SLC35F4: variants seen among roughly 807,000 people sequenced by gnomAD.
SLC35F4 encodes the protein chromosome 14 open reading frame 36.
A neutral mutation model predicts 44.2 loss-of-function variants in SLC35F4; 24 were observed. The ratio of observed to expected loss-of-function variants is 0.54; its 90% CI spans 0.39 to 0.76. The LOEUF (loss-of-function observed/expected upper bound fraction) is 0.76. Among genes scored for constraint, SLC35F4 ranks in the 30% least tolerant of loss-of-function variants. SLC35F4 has a pLI of 0.00. For synonymous variants in SLC35F4, 238 were observed against 223.6 expected, an observed-to-expected ratio of 1.06 and a Z score of -0.57; for missense variants, 562 against 586.1, an observed-to-expected ratio of 0.96 and a Z score of 0.42.
intron 1 of SLC35F4, among the ~76,000 whole-genome samples, chr14:57,858,973 A>T (rs1291296353): frequency 6.6e-6 from 1 of 151,180 alleles, no homozygotes; most frequent in African/African-American, 2.4e-5. Flanking sequence ...GCTGAGTGTG[A>T]TGATACGCAC....
chr14:57,584,486 GA>G (rs1043077010), intron 3 of SLC35F4, among the ~76,000 whole-genome samples: 2 of 151,940 alleles, frequency 1.3e-5, no homozygotes, highest in African/African-American at 4.8e-5. Flanking sequence ...AGTCTACAGG[GA>G]AAAAAAGATC....
intron 1 of SLC35F4, among the ~76,000 whole-genome samples, chr14:57,746,212 AC>A (rs1938498820): frequency 2.0e-5 from 3 of 152,190 alleles, no homozygotes; most frequent in African/African-American, 7.2e-5. Flanking sequence ...GTGCACAGGT[AC>A]CCCAGAGCTT....
intron 1 of SLC35F4, among the ~76,000 whole-genome samples, chr14:57,798,757 T>C (rs1276889684): frequency 6.6e-6 from 1 of 152,214 alleles, no homozygotes; most frequent in African/African-American, 2.4e-5. Context: ...TTTTTATGCT[T>C]CTCTATTGGA....
At chr14:57,689,914 A>AT (rs914272923) in intron 1 of SLC35F4, among the ~76,000 whole-genome samples, 2 of 152,174 alleles carry the variant, frequency 1.3e-5, no homozygotes, top group East Asian at 3.8e-4. Flanking sequence ...AAAAATAAAG[A>AT]TACAGCTCAA....
At chr14:57,642,235 T>C (rs1389671428) in intron 1 of SLC35F4, among the ~76,000 whole-genome samples, 4 of 152,084 alleles carry the variant, frequency 2.6e-5, no homozygotes, top group East Asian at 3.9e-4. Flanking sequence ...TCACCATTTC[T>C]TTCTACGTTT....
intron 1 of SLC35F4, among the ~76,000 whole-genome samples, chr14:57,616,852 C>G (rs1247760401): frequency 6.6e-6 from 1 of 152,042 alleles, no homozygotes; most frequent in Non-Finnish European, 1.5e-5. Flanking sequence ...TGTGGGTCAG[C>G]CTCCTCCACT....
rs118001951 is a variant in SLC35F4, at chr14:57,781,007, G to A, written c.103+84716C>T. On this transcript the variant is annotated intron_variant, in intron 1 of 7. Coordinates refer to ENST00000556826, the MANE Select transcript of SLC35F4 (RefSeq NM_001306087.2). ...AATATTATTCCGGACATAGGAATTGGCAAAGATTTCATGAGGAAGACACCA... is the reference window on the plus strand; with the variant it reads ...AATATTATTCCGGACATAGGAATTGACAAAGATTTCATGAGGAAGACACCA... Among the ~76,000 whole-genome samples, 185 of 152,224 alleles carry A rather than the reference G, an allele frequency of 1.2e-3. No individual in the cohort carries two copies. The Middle Eastern group carries it at 0.024, about 20-fold the overall frequency.
intron 1 of SLC35F4, among the ~76,000 whole-genome samples, chr14:57,908,059 C>A (rs1299478751): frequency 6.6e-6 from 1 of 152,016 alleles, no homozygotes; most frequent in African/African-American, 2.4e-5. Flanking sequence ...TTTCTGTTCC[C>A]ATGTTAGTTT....
chr14:57,614,418 T>C (rs937860111), intron 1 of SLC35F4, among the ~76,000 whole-genome samples: 2 of 152,280 alleles, frequency 1.3e-5, no homozygotes, highest in South Asian at 4.2e-4. Flanking sequence ...ACAGACTTCT[T>C]CAGTACAGGT....
At chr14:57,834,949 A>G (rs1398371379) in intron 1 of SLC35F4, among the ~76,000 whole-genome samples, 2 of 152,192 alleles carry the variant, frequency 1.3e-5, no homozygotes, top group Admixed American at 6.5e-5. Context: ...GAATTGCTTG[A>G]ACCCAGAAGG....
intron 1 of SLC35F4, among the ~76,000 whole-genome samples, chr14:57,895,602 CTG>C (rs1491006502): frequency 6.6e-6 from 1 of 151,544 alleles, no homozygotes; most frequent in Admixed American, 6.6e-5. Context: ...CTCTCTCTCT[CTG>C]TCTCTCTCTG....
At chr14:57,760,584 C>CT (rs1302518999) in intron 1 of SLC35F4, among the ~76,000 whole-genome samples, 2 of 152,078 alleles carry the variant, frequency 1.3e-5, no homozygotes, top group African/African-American at 4.8e-5. Context: ...TACACTTGAG[C>CT]TTTTTTTCTG....
intron 1 of SLC35F4, among the ~76,000 whole-genome samples, chr14:57,803,321 A>G (rs1240453908): frequency 2.0e-5 from 3 of 152,198 alleles, no homozygotes; most frequent in Non-Finnish European, 4.4e-5. Context: ...AATAGAAGCC[A>G]TCTATGACAA....
intron 1 of SLC35F4, among the ~76,000 whole-genome samples, chr14:57,655,835 T>C (rs1000017643): frequency 6.6e-6 from 1 of 152,180 alleles, no homozygotes; most frequent in Non-Finnish European, 1.5e-5. Context: ...TTATCACTCC[T>C]AATAAAGTGC....
intron 1 of SLC35F4, among the ~76,000 whole-genome samples, chr14:57,853,806 A>T (rs901910117): frequency 6.6e-6 from 1 of 152,120 alleles, no homozygotes; most frequent in African/African-American, 2.4e-5. Flanking sequence ...TGTTCTCCCC[A>T]CAGCCCTCCA....
chr14:57,670,661 G>A (rs907113096), intron 1 of SLC35F4, among the ~76,000 whole-genome samples: 1 of 151,898 alleles, frequency 6.6e-6, no homozygotes, highest in Non-Finnish European at 1.5e-5. Context: ...TCTTAATCCT[G>A]AGTTCTAGTT....
chr14:57,733,730 T>C (rs1173165565), intron 1 of SLC35F4, among the ~76,000 whole-genome samples: 1 of 152,044 alleles, frequency 6.6e-6, no homozygotes, highest in Non-Finnish European at 1.5e-5. Flanking sequence ...CAGAGTACTT[T>C]TGCTTCCAAG....
At chr14:57,728,344 CTA>C (rs1432376533) in intron 1 of SLC35F4, among the ~76,000 whole-genome samples, 2 of 150,608 alleles carry the variant, frequency 1.3e-5, no homozygotes, top group African/African-American at 2.4e-5. Flanking sequence ...TTCAGCCACT[CTA>C]TGTCTTTTGA....
intron 1 of SLC35F4, among the ~76,000 whole-genome samples, chr14:57,665,129 C>T (rs2074264433): frequency 1.3e-5 from 2 of 151,906 alleles, no homozygotes; most frequent in East Asian, 1.9e-4. Context: ...ACCGCCCTCC[C>T]GCCCACCACC....
Sources: allele counts gnomAD v4.1 joint callset (sites outside exome capture counted in the v4.1 genomes callset), GRCh38; gene constraint gnomAD v4.1.1; transcripts MANE v1.5; gene names NCBI Gene and HGNC (gene_info 2026-07-23, HGNC 2026-07-21).